Variants in GPC5 observed in about 807,000 individuals in gnomAD.
GPC5 encodes the protein glypican 5, also known as glypican-5.
In GPC5, 47 loss-of-function variants were observed where a neutral mutation model predicts 53.9. The ratio of observed to expected loss-of-function variants is 0.87; its 90% confidence interval spans 0.69 to 1.11. The LOEUF (loss-of-function observed/expected upper bound fraction) is 1.11. GPC5 is among the 50% of genes most tolerant of loss of function. The pLI is 0.00. For missense variants in GPC5, 748 were observed against 713.1 expected (o/e 1.05, Z -0.56); for synonymous variants, 286 against 263.3 (o/e 1.09, Z -0.84).
At chr13:91,896,447 A>T (rs958504773) in intron 5 of GPC5, among the ~76,000 whole-genome samples, 1 of 152,210 alleles carries the variant, frequency 6.6e-6, no homozygotes, top group African/African-American at 2.4e-5. Context: ...ATTTAATCAC[A>T]TCTGTAAACC....
chr13:91,893,944 G>GT (rs200751114), intron 5 of GPC5, among the ~76,000 whole-genome samples: 2,992 of 140,266 alleles, frequency 0.021, 53 homozygotes, highest in African/African-American at 0.051. Flanking sequence ...ATTTTACCAG[G>GT]TTTTTTTTTT....
chr13:91,921,327 A>T (rs964671128), intron 6 of GPC5, among the ~76,000 whole-genome samples: 5 of 152,164 alleles, frequency 3.3e-5, no homozygotes, highest in Admixed American at 3.3e-4. Context: ...GAAACATAAC[A>T]TTGAATACAT....
chr13:92,747,473 G>T (rs1297600284), intron 7 of GPC5, among the ~76,000 whole-genome samples: 3 of 152,174 alleles, frequency 2.0e-5, no homozygotes, highest in Non-Finnish European at 4.4e-5. Context: ...TAAGGAGAGA[G>T]CATGAGTGAA....
chr13:92,110,838 T>C (rs1442934536), intron 6 of GPC5, among the ~76,000 whole-genome samples: 1 of 152,212 alleles, frequency 6.6e-6, no homozygotes, highest in African/African-American at 2.4e-5. Context: ...TGCTGTCATA[T>C]GTCCATTCAG....
intron 7 of GPC5, among the ~76,000 whole-genome samples, chr13:92,175,413 G>A (rs1038855080): frequency 7.9e-5 from 12 of 152,142 alleles, no homozygotes; most frequent in African/African-American, 2.9e-4. Flanking sequence ...TCTAGATTAT[G>A]TCAAAATTTA....
intron 7 of GPC5, among the ~76,000 whole-genome samples, chr13:92,744,877 G>C (rs1594473507): frequency 6.6e-6 from 1 of 152,010 alleles, no homozygotes; most frequent in African/African-American, 2.4e-5. Context: ...GGTAGACAGA[G>C]ATACCCATTC....
intron 7 of GPC5, among the ~76,000 whole-genome samples, chr13:92,600,245 T>C (rs924353355): frequency 1.3e-5 from 2 of 152,234 alleles, no homozygotes; most frequent in Admixed American, 1.3e-4. Context: ...TAGTGAAGTA[T>C]GGATATATTT....
rs556206112 is a variant in GPC5 at position 91,679,932 on chromosome 13, A to T, written c.326-13255A>T. 2.0e-5 allele frequency among the ~76,000 whole-genome samples: 3 copies of T among 151,946 alleles called. No individual in the cohort carries two copies. The East Asian group carries it at 5.8e-4, about 29-fold the overall frequency. Reference sequence around the variant, plus strand: ...TAGCCACATTTTTTTTTTTCTGAATACCATTTTTTTTTCTTGAACAAAGTG... The same window carrying T: ...TAGCCACATTTTTTTTTTTCTGAATTCCATTTTTTTTTCTTGAACAAAGTG... On this transcript the variant is annotated intron_variant, in intron 2 of 7. Transcript: ENST00000377067.
intron 1 of GPC5, among the ~76,000 whole-genome samples, chr13:91,412,712 T>G (rs542984487): frequency 6.6e-6 from 1 of 152,220 alleles, no homozygotes; most frequent in African/African-American, 2.4e-5. Flanking sequence ...TTCCTGTGAC[T>G]GTAGGAAACA....
At chr13:92,794,640 G>T (rs559455845) in intron 7 of GPC5, among the ~76,000 whole-genome samples, 4 of 152,000 alleles carry the variant, frequency 2.6e-5, no homozygotes, top group African/African-American at 7.2e-5. Context: ...AAACCCCATC[G>T]TCTCAGCCAA....
chr13:91,775,188 C>T (rs1280189866), intron 5 of GPC5, among the ~76,000 whole-genome samples: 6 of 152,102 alleles, frequency 3.9e-5, no homozygotes, highest in African/African-American at 1.2e-4. Flanking sequence ...ACATCATAAG[C>T]GAAGTTATAT....
At chr13:91,463,406 C>G (rs1447586469) in intron 2 of GPC5, among the ~76,000 whole-genome samples, 1 of 152,012 alleles carries the variant, frequency 6.6e-6, no homozygotes, top group African/African-American at 2.4e-5. Context: ...TTTAAGGAGA[C>G]TATAAAGATA....
intron 7 of GPC5, among the ~76,000 whole-genome samples, chr13:92,257,685 G>C (rs1002891847): frequency 6.6e-6 from 1 of 151,174 alleles, no homozygotes; most frequent in Non-Finnish European, 1.5e-5. Flanking sequence ...CATGTAGCTG[G>C]AACTACAGGT....
At chr13:92,038,346 T>C (rs2040910786) in intron 6 of GPC5, among the ~76,000 whole-genome samples, 1 of 123,140 alleles carries the variant, frequency 8.1e-6, no homozygotes. Context: ...GCATGATCTA[T>C]GCTAGATAGA....
At chr13:92,520,841 G>A (rs1881013836) in intron 7 of GPC5, among the ~76,000 whole-genome samples, 1 of 152,104 alleles carries the variant, frequency 6.6e-6, no homozygotes, top group Admixed American at 6.6e-5. Context: ...AAGTCAAATT[G>A]TCCCTGTTTG....
In GPC5 at chr13:91,662,045, A is replaced by G. The variant is rs2034999769; in HGVS notation, c.326-31142A>G. Among the ~76,000 whole-genome samples, 4 of 152,190 alleles carry G rather than the reference A, an allele frequency of 2.6e-5. 1 individual carries two copies. In the South Asian group the frequency reaches 8.3e-4, roughly 31 times the overall value. On this transcript the variant is annotated intron_variant, in intron 2 of 7. Coordinates refer to ENST00000377067, the MANE Select transcript of GPC5 (RefSeq NM_004466.6). ...GGCTGGAGATACACAATTGGGAGTCATTGGCTCACATATGGTATTTAAAGC... is the reference window on the plus strand; with the variant it reads ...GGCTGGAGATACACAATTGGGAGTCGTTGGCTCACATATGGTATTTAAAGC...
At chr13:91,845,772 A>G (rs570831029) in intron 5 of GPC5, among the ~76,000 whole-genome samples, 1 of 152,174 alleles carries the variant, frequency 6.6e-6, no homozygotes, top group Non-Finnish European at 1.5e-5. Context: ...TTAACCTAAT[A>G]ATAACCCTTT....
In GPC5 at chr13:92,647,227, T is replaced by C. The variant is rs550910327; in HGVS notation, c.1562-219055T>C. ...GGGGATATTCCTCAGTCTTTCACAA[T>C]TTGCTATTATATTCACCGTAGGTTT... On this transcript the variant is annotated intron_variant, in intron 7 of 7. Transcript: ENST00000377067. Among the ~76,000 whole-genome samples the C allele has an allele frequency of 2.6e-4, 40 of 152,282 alleles. 1 individual carries two copies. The South Asian group carries it at 6.4e-3, about 24-fold the overall frequency.
intron 2 of GPC5, among the ~76,000 whole-genome samples, chr13:91,503,780 A>AAATACTAAT (rs1884780785): frequency 7.5e-6 from 1 of 132,898 alleles, no homozygotes; most frequent in Admixed American, 7.8e-5. Context: ...CTCTGTCTCA[A>AAATACTAAT]AATAATAATA....
Sources: gnomAD v4.1 joint callset for allele counts (sites outside exome capture counted in the v4.1 genomes callset) on GRCh38, gnomAD v4.1.1 for gene constraint, MANE v1.5 for transcripts, NCBI Gene and HGNC (gene_info 2026-07-23, HGNC 2026-07-21) for gene names.